The following SRGAP3 variants were observed in gnomAD, a reference collection of about 807,000 sequenced individuals.
The protein encoded by SRGAP3 is SLIT-ROBO Rho GTPase-activating protein 3.
SRGAP3 carries 39 observed loss-of-function variants against 121.1 expected under a neutral mutation model. That is an observed-to-expected ratio of 0.32 (90% CI 0.25 to 0.42). The LOEUF (loss-of-function observed/expected upper bound fraction) is 0.42. Among genes scored for constraint, SRGAP3 ranks in the 10% least tolerant of loss-of-function variants. SRGAP3 has a pLI of 1.00. For synonymous variants in SRGAP3, 601 were observed against 570.0 expected (o/e 1.05, Z -0.77); for missense variants, 1,213 against 1,470.6 (o/e 0.82, Z 2.86).
chr3:9,027,884 A>G (rs1398261187), intron 12 of SRGAP3, among the ~76,000 whole-genome samples: 1 of 152,228 alleles, frequency 6.6e-6, no homozygotes, highest in Non-Finnish European at 1.5e-5. Context: ...CATGAGGCAC[A>G]TGTAATATGC....
intron 17 of SRGAP3, among the ~76,000 whole-genome samples, chr3:9,010,891 G>C (rs1197518289): frequency 1.3e-5 from 2 of 152,186 alleles, no homozygotes; most frequent in African/African-American, 4.8e-5. Flanking sequence ...CAGGCACTGA[G>C]AGTAGACTGG....
At chr3:9,021,844 A>G (rs901685542) in intron 14 of SRGAP3, among the ~76,000 whole-genome samples, 1 of 151,596 alleles carries the variant, frequency 6.6e-6, no homozygotes, top group African/African-American at 2.4e-5. Context: ...AATCCCAGCA[A>G]TTCTGGAGGT....
rs966857866 is a variant in SRGAP3 at position 9,246,569 on chromosome 3, G to A, written c.67+2316C>T. Among the ~76,000 whole-genome samples, 10 of 152,170 alleles carry A rather than the reference G, an allele frequency of 6.6e-5. 1 individual carries two copies. The highest frequency in any genetic ancestry group is 1.5e-4 in the Non-Finnish European group (10 of 68,012). On this transcript the variant is annotated intron_variant, in intron 1 of 21. Transcript: ENST00000383836. The stretch of plus-strand genomic sequence containing the variant: ...TGGGCAAGTCATTTAACATTAACTG[G>A]GCCTCAGTTTCCTTGTCTCTGAAAC...
chr3:9,241,432 G>C (rs1356167062), intron 1 of SRGAP3, among the ~76,000 whole-genome samples: 1 of 152,162 alleles, frequency 6.6e-6, no homozygotes, highest in Non-Finnish European at 1.5e-5. Flanking sequence ...CCCCAGACTG[G>C]GAGGGGCCTG....
chr3:9,295,669 T>G (rs1245243985), intron 3 of SRGAP3, among the ~76,000 whole-genome samples: 1 of 152,208 alleles, frequency 6.6e-6, no homozygotes, highest in Admixed American at 6.5e-5. Context: ...ATTTTAACCA[T>G]TTTTAAGTGT....
intron 15 of SRGAP3, chr3:9,014,595 T>G (rs1444004504): frequency 3.2e-5 from 5 of 154,732 alleles, no homozygotes; most frequent in African/African-American, 1.2e-4. Context: ...GAGCAAGTGA[T>G]ACAGGGCTCA....
chr3:9,137,862 G>A (rs1949720851), intron 1 of SRGAP3, among the ~76,000 whole-genome samples: 1 of 152,232 alleles, frequency 6.6e-6, no homozygotes, highest in Admixed American at 6.5e-5. Context: ...TCAGTGAAAT[G>A]CAAAGAACAG....
At chr3:9,000,014 T>C (rs956888057) in intron 18 of SRGAP3, among the ~76,000 whole-genome samples, 1 of 152,190 alleles carries the variant, frequency 6.6e-6, no homozygotes, top group African/African-American at 2.4e-5. Context: ...GAACCAAGAC[T>C]GCTCCCTCCC....
At chr3:9,075,590 CTT>C (rs1946939969) in intron 4 of SRGAP3, among the ~76,000 whole-genome samples, 1 of 152,186 alleles carries the variant, frequency 6.6e-6, no homozygotes, top group Non-Finnish European at 1.5e-5. Flanking sequence ...AGAGACAAGC[CTT>C]TTCTCTAAAG....
In SRGAP3 at chr3:9,160,642, A is replaced by G. The variant is rs112653365; in HGVS notation, c.68-35725T>C. On this transcript the variant is annotated intron_variant, in intron 1 of 21. Transcript: ENST00000383836. Reference sequence around the variant, plus strand: ...CATTCCTGATTCTTGACCCATGGAAACTGTGTCATATGAGAAGTGTTTGTT... The same window carrying G: ...CATTCCTGATTCTTGACCCATGGAAGCTGTGTCATATGAGAAGTGTTTGTT... Among the ~76,000 whole-genome samples, 975 of 152,324 alleles carry G rather than the reference A, an allele frequency of 6.4e-3. 8 individuals are homozygous for G. The highest frequency in any genetic ancestry group is 0.022 in the African/African-American group (913 of 41,554).
At chr3:9,181,261 A>G (rs538688106) in intron 1 of SRGAP3, among the ~76,000 whole-genome samples, 28 of 152,314 alleles carry the variant, frequency 1.8e-4, no homozygotes, top group Non-Finnish European at 3.5e-4. Flanking sequence ...AGACCCAAAG[A>G]AATTTCCAGC....
At chr3:9,028,059 C>A in intron 12 of SRGAP3, 1 of 1,613,330 alleles carries the variant, frequency 6.2e-7, no homozygotes. Flanking sequence ...AGACAGTTTC[C>A]ATCACGGTGA....
At chr3:9,000,841 A>G (rs549851942) in intron 18 of SRGAP3, among the ~76,000 whole-genome samples, 74 of 152,330 alleles carry the variant, frequency 4.9e-4, no homozygotes, top group Admixed American at 9.1e-4. Flanking sequence ...CAATTAGTAG[A>G]GATTAACAGC....
rs984840170 is a variant in SRGAP3, at chr3:9,313,314, T to A, written n.442+12696A>T. Among the ~76,000 whole-genome samples the A allele has an allele frequency of 8.5e-5, 13 of 152,304 alleles. No individual in the cohort carries two copies. The East Asian group carries it at 2.5e-3, about 29-fold the overall frequency. On this transcript the variant is annotated intron_variant and non_coding_transcript_variant, in intron 3 of 3. Transcript: ENST00000490889. ...TCTCAATGAAGTCTTCACTTCCAAG[T>A]CCATTAAAAATTACAAGCCCTTTCC...
intron 1 of SRGAP3, among the ~76,000 whole-genome samples, chr3:9,173,208 G>A (rs1951052384): frequency 6.6e-6 from 1 of 152,198 alleles, no homozygotes; most frequent in South Asian, 2.1e-4. Context: ...CAGGCCGAAT[G>A]GAGCAGCACT....
Position 9,080,039 on chromosome 3 carries a change from T to C in SRGAP3, c.472A>G (p.Asn158Asp). The C allele has an allele frequency of 6.2e-7, 1 of 1,614,190 alleles. No homozygotes were observed. Among genetic ancestry groups the C allele is most frequent in the Non-Finnish European group, 8.5e-7 (1 of 1,180,040 alleles). Residue 158 changes from asparagine (N) to aspartate (D), a missense_variant, in exon 4 of 22, where the codon AAT becomes GAT. Asn to Asp is a conservative substitution (Grantham distance 23). This residue lies in a region of SRGAP3 where 793 missense variants were observed against 1,032.9 expected (regional missense o/e 0.77). Coordinates refer to ENST00000383836, the MANE Select transcript of SRGAP3 (RefSeq NM_014850.4). ...QMHEELLKVT[N>D]ELYTVMKTYH... ...GCAGAACTTACTGTGTAGAGCTCAT[T>C]GGTCACCTTCAGGAGCTCCTCGTGC... is the stretch of plus-strand genomic sequence containing the variant.
intron 3 of SRGAP3, among the ~76,000 whole-genome samples, chr3:9,303,424 C>CA (rs549883408): frequency 0.023 from 1,975 of 87,380 alleles, 20 homozygotes; most frequent in Non-Finnish European, 0.03. Flanking sequence ...GACTCCATCT[C>CA]AAAAAAAAAA....
At chr3:9,259,519 G>A (rs1315695986) in intron 3 of SRGAP3, among the ~76,000 whole-genome samples, 2 of 152,128 alleles carry the variant, frequency 1.3e-5, no homozygotes, top group Non-Finnish European at 2.9e-5. Context: ...GTATTGCTGA[G>A]GCTGGCCTCA....
In SRGAP3 at chr3:9,079,387, C is replaced by T. The variant is rs577907415; in HGVS notation, c.486+638G>A. ...AGTCTGAAAGTTCCTGCATCATCAC[C>T]TCATGTGTTTGTGTCCCCATTTGCT... On this transcript the variant is annotated intron_variant, in intron 4 of 21. Transcript: ENST00000383836. 3.9e-5 allele frequency among the ~76,000 whole-genome samples: 6 copies of T among 152,284 alleles called. No individual in the cohort carries two copies. The South Asian group carries it at 1.0e-3, about 26-fold the overall frequency.
Sources: allele counts gnomAD v4.1 joint callset (sites outside exome capture counted in the v4.1 genomes callset), GRCh38; gene constraint gnomAD v4.1.1; regional missense constraint gnomAD v4.1.1; transcripts MANE v1.5; gene names NCBI Gene and HGNC (gene_info 2026-07-23, HGNC 2026-07-21).